SLC35F1: variants seen among roughly 807,000 people sequenced by gnomAD.
The protein encoded by SLC35F1 is chromosome 6 open reading frame 169.
Under a neutral mutation model 48.7 loss-of-function variants are expected in SLC35F1, and 14 were observed. The ratio of observed to expected loss-of-function variants is 0.29; its 90% CI spans 0.19 to 0.45. SLC35F1 has a LOEUF of 0.45. Ranked by LOEUF, SLC35F1 falls within the 20% of genes least tolerant of loss-of-function variation. SLC35F1 has a pLI of 1.00. For synonymous variants in SLC35F1, 190 were observed against 202.2 expected (o/e 0.94, Z 0.51); for missense variants, 404 against 500.0 (o/e 0.81, Z 1.83).
chr6:117,975,514 A>C (rs1260310686), intron 1 of SLC35F1, among the ~76,000 whole-genome samples: 1 of 152,086 alleles, frequency 6.6e-6, no homozygotes. Context: ...TCTCCCTCCC[A>C]CTTTGATGTT....
intron 2 of SLC35F1, among the ~76,000 whole-genome samples, chr6:118,176,997 T>C (rs1448982738): frequency 6.6e-6 from 1 of 152,028 alleles, no homozygotes. Context: ...AAGCAGCTAG[T>C]TCTGTATCTT....
At chr6:118,003,340 G>C (rs1477439763) in intron 1 of SLC35F1, among the ~76,000 whole-genome samples, 1 of 152,202 alleles carries the variant, frequency 6.6e-6, no homozygotes, top group Non-Finnish European at 1.5e-5. Flanking sequence ...TATAAACATA[G>C]TTAACTCTGT....
At chr6:118,270,876 G>A in intron 4 of SLC35F1, among the ~76,000 whole-genome samples, 1 of 152,152 alleles carries the variant, frequency 6.6e-6, no homozygotes, top group East Asian at 1.9e-4. Context: ...TAAAAGGCAA[G>A]GTTAGAAGGT....
rs1183176272 is a variant in SLC35F1 at position 118,266,902 on chromosome 6, AC to A, written c.478-90del. ...ATCTCAGGTTCAGGGGAAAGGCAGAACCCTTTCTGCAGAACTAAATTACTTT... is the reference window on the plus strand; with the variant it reads ...ATCTCAGGTTCAGGGGAAAGGCAGAACCTTTCTGCAGAACTAAATTACTTT... On this transcript the variant is annotated intron_variant, in intron 3 of 7. Transcript: ENST00000360388. 23 of 1,412,612 alleles carry A rather than the reference AC, an allele frequency of 1.6e-5. No homozygotes were observed. The Admixed American group carries it at 3.0e-4, about 18-fold the overall frequency. 87.5% of individuals were successfully genotyped at this position (1,412,612 alleles called of 1,614,324 possible). A position where few individuals can be genotyped will look rare whatever the true frequency, so the allele number is the denominator to read the frequency against.
At chr6:118,036,875 T>C (rs1414106932) in intron 1 of SLC35F1, among the ~76,000 whole-genome samples, 1 of 152,196 alleles carries the variant, frequency 6.6e-6, no homozygotes, top group African/African-American at 2.4e-5. Context: ...TTATTAAAAA[T>C]CAGGCTGTTC....
At chr6:118,237,747 A>G (rs1251824382) in intron 3 of SLC35F1, among the ~76,000 whole-genome samples, 3 of 152,204 alleles carry the variant, frequency 2.0e-5, no homozygotes, top group African/African-American at 7.2e-5. Flanking sequence ...TCTCCATACA[A>G]TAAAGCTTTA....
intron 4 of SLC35F1, among the ~76,000 whole-genome samples, chr6:118,268,902 G>C (rs1030131878): frequency 6.6e-5 from 10 of 151,976 alleles, no homozygotes; most frequent in Admixed American, 2.6e-4. Context: ...AAGCCACTGC[G>C]GCCGGCCTAA....
chr6:117,914,087 T>TATC (rs1443193092), intron 1 of SLC35F1, among the ~76,000 whole-genome samples: 2 of 49,260 alleles, frequency 4.1e-5, no homozygotes, highest in African/African-American at 1.7e-4. Context: ...AAAAGAATCC[T>TATC]ATCTATCTAT....
intron 1 of SLC35F1, among the ~76,000 whole-genome samples, chr6:118,016,559 C>A (rs188623958): frequency 6.6e-6 from 1 of 152,230 alleles, no homozygotes; most frequent in Admixed American, 6.5e-5. Flanking sequence ...GCATAGAATT[C>A]ATTTCTGAAA....
intron 2 of SLC35F1, among the ~76,000 whole-genome samples, chr6:118,184,412 C>G (rs1774627802): frequency 6.6e-6 from 1 of 152,180 alleles, no homozygotes; most frequent in South Asian, 2.1e-4. Context: ...GGGAGTAACA[C>G]ACTAAGTGAA....
At chr6:118,281,886 A>G (rs1339685170) in intron 6 of SLC35F1, among the ~76,000 whole-genome samples, 1 of 152,246 alleles carries the variant, frequency 6.6e-6, no homozygotes, top group African/African-American at 2.4e-5. Flanking sequence ...AGTTATCAGC[A>G]TTACACTGTT....
intron 1 of SLC35F1, among the ~76,000 whole-genome samples, chr6:118,128,259 C>T (rs1276441038): frequency 6.8e-6 from 1 of 147,898 alleles, no homozygotes; most frequent in African/African-American, 2.5e-5. Context: ...GTGGCGATTC[C>T]TCAGGGATCT....
At chr6:118,238,830 G>A (rs1159763428) in intron 3 of SLC35F1, among the ~76,000 whole-genome samples, 1 of 152,178 alleles carries the variant, frequency 6.6e-6, no homozygotes, top group Non-Finnish European at 1.5e-5. Flanking sequence ...AATAGAAGAG[G>A]AGATTTCTCT....
intron 1 of SLC35F1, among the ~76,000 whole-genome samples, chr6:118,144,976 T>C (rs1478050021): frequency 6.6e-6 from 1 of 152,188 alleles, no homozygotes; most frequent in East Asian, 1.9e-4. Context: ...ATAATTTACT[T>C]ACCATACAAT....
intron 2 of SLC35F1, among the ~76,000 whole-genome samples, chr6:118,232,766 T>C (rs1775310667): frequency 2.6e-5 from 4 of 151,990 alleles, no homozygotes; most frequent in African/African-American, 4.8e-5. Context: ...GTTCAGGTCA[T>C]TTCTTTGGTA....
Position 118,199,757 on chromosome 6 carries a change from G to A in SLC35F1, c.350-35752G>A, listed in dbSNP as rs138002111. ...GTATTTCTATGGACAGTAATTATTTGCATTACTGTGAGTTTTCTACATGTG... is the reference window on the plus strand; with the variant it reads ...GTATTTCTATGGACAGTAATTATTTACATTACTGTGAGTTTTCTACATGTG... On this transcript the variant is annotated intron_variant, in intron 2 of 7. Coordinates refer to ENST00000360388, the MANE Select transcript of SLC35F1 (RefSeq NM_001029858.4). Among the ~76,000 whole-genome samples the A allele has an allele frequency of 2.1e-4, 32 of 152,208 alleles. No individual in the cohort carries two copies. The East Asian group carries it at 6.2e-3, about 29-fold the overall frequency.
At chr6:117,961,874 C>G (rs765473634) in intron 1 of SLC35F1, among the ~76,000 whole-genome samples, 3 of 152,062 alleles carry the variant, frequency 2.0e-5, no homozygotes, top group Non-Finnish European at 4.4e-5. Context: ...CTTGTGATAC[C>G]TAGTCTTACA....
At chr6:118,249,365 T>G (rs1410299907) in intron 3 of SLC35F1, among the ~76,000 whole-genome samples, 1 of 152,184 alleles carries the variant, frequency 6.6e-6, no homozygotes, top group Admixed American at 6.5e-5. Flanking sequence ...CTCCCAATAC[T>G]GCCTAGATGG....
intron 1 of SLC35F1, among the ~76,000 whole-genome samples, chr6:117,972,292 G>A (rs1776652218): frequency 6.6e-6 from 1 of 152,092 alleles, no homozygotes; most frequent in Non-Finnish European, 1.5e-5. Context: ...CAGCATTTTG[G>A]TCAAAGCCAT....
Sources: allele counts gnomAD v4.1 joint callset (sites outside exome capture counted in the v4.1 genomes callset), GRCh38; gene constraint gnomAD v4.1.1; transcripts MANE v1.5; gene names NCBI Gene and HGNC (gene_info 2026-07-23, HGNC 2026-07-21).